CSMD2: variants seen among roughly 807,000 people sequenced by gnomAD.
CSMD2 encodes CUB and Sushi multiple domains 2.
CSMD2 carries 130 observed loss-of-function variants against 398.5 expected under a neutral mutation model. That is an observed-to-expected ratio of 0.33 (90% CI 0.28 to 0.38). The LOEUF (loss-of-function observed/expected upper bound fraction) is 0.38. CSMD2 is among the 10% of genes least tolerant of loss of function. CSMD2 has a pLI of 1.00. For synonymous variants in CSMD2, 1,828 were observed against 1,908.5 expected (o/e 0.96, Z 1.10); for missense variants, 3,829 against 4,764.9 (o/e 0.80, Z 5.78).
At position 33,848,136 on chromosome 1, in the gene CSMD2, A is replaced by G. The variant is rs182095735; in HGVS notation, c.921-1140T>C. The stretch of plus-strand genomic sequence containing the variant: ...TATATCCTATGTGAAACAGTCATTC[A>G]TCAAACTCTTGGAACTATAAAGGTG... On this transcript the variant is annotated intron_variant, in intron 5 of 70. Coordinates refer to ENST00000373381, the MANE Select transcript of CSMD2 (RefSeq NM_001281956.2). Among the ~76,000 whole-genome samples the G allele has an allele frequency of 4.2e-3, 645 of 152,254 alleles. 5 individuals are homozygous for G. Among genetic ancestry groups the G allele is most frequent in the African/African-American group, 0.015 (611 of 41,550 alleles).
intron 5 of CSMD2, among the ~76,000 whole-genome samples, chr1:33,889,017 A>G (rs761355479): frequency 1.3e-5 from 2 of 151,992 alleles, no homozygotes; most frequent in Non-Finnish European, 2.9e-5. Flanking sequence ...TGATCCGCCC[A>G]CCTTAGCCTC....
intron 1 of CSMD2, among the ~76,000 whole-genome samples, chr1:34,110,698 A>G (rs1216055039): frequency 1.3e-5 from 2 of 149,418 alleles, no homozygotes; most frequent in East Asian, 3.9e-4. Flanking sequence ...AAAGAGGCAA[A>G]CACATGGACA....
At chr1:33,833,956 A>C (rs1373907957) in intron 6 of CSMD2, among the ~76,000 whole-genome samples, 165 of 149,994 alleles carry the variant, frequency 1.1e-3, no homozygotes, top group Middle Eastern at 3.4e-3. Context: ...ATGTGAAGGA[A>C]CTCTTCAAGG....
intron 7 of CSMD2, among the ~76,000 whole-genome samples, chr1:33,823,236 C>T (rs565840171): frequency 2.3e-4 from 35 of 152,276 alleles, no homozygotes; most frequent in African/African-American, 5.5e-4. Flanking sequence ...AACGGTGACG[C>T]GGCTTATACC....
intron 29 of CSMD2, among the ~76,000 whole-genome samples, chr1:33,637,032 G>A (rs974765803): frequency 2.0e-5 from 3 of 152,206 alleles, no homozygotes; most frequent in Admixed American, 6.5e-5. Flanking sequence ...GTTCACCTGA[G>A]AAGCAGGGCA....
rs375118056 is a variant in CSMD2 at position 33,646,696 on chromosome 1, G to A, written c.4726C>T (p.Arg1576Cys). Residue 1576 changes from arginine to cysteine, a missense_variant, in exon 29 of 71, where the codon CGC becomes TGC. By Grantham distance (180) the Arg-to-Cys change is radical. Around this residue, in one of 5 missense-constraint regions of CSMD2, gnomAD observed 2,001 missense variants for 2,567.1 expected, o/e 0.78. Coordinates refer to ENST00000373381, the MANE Select transcript of CSMD2 (RefSeq NM_001281956.2). ...GCATTGCTCACAGATGCATCGCTGC[G>A]GAAGGCGAGGAAGAGGCTGTTGCTG... The part of the protein sequence containing the change: ...SSSNSLFLAF[R>C]SDASVSNAGF... 4.3e-6 allele frequency: 7 copies of A among 1,614,048 alleles called. No individual in the cohort carries two copies. Among genetic ancestry groups the A allele is most frequent in the African/African-American group, 4.0e-5 (3 of 74,928 alleles).
chr1:33,669,758 G>A (rs866486754), intron 25 of CSMD2, among the ~76,000 whole-genome samples: 2 of 152,164 alleles, frequency 1.3e-5, no homozygotes, highest in South Asian at 4.1e-4. Context: ...ACTGGATTAG[G>A]GTGGGCCGTA....
Position 33,557,649 on chromosome 1 carries a change from C to T in CSMD2, c.8743+85G>A, listed in dbSNP as rs1224208529. The stretch of plus-strand genomic sequence containing the variant: ...ACACACACACACACACACACACACA[C>T]ACACACACACATGCACAGAGGGGAG... On this transcript the variant is annotated intron_variant, in intron 55 of 70. Coordinates refer to ENST00000373381, the MANE Select transcript of CSMD2 (RefSeq NM_001281956.2). 31 of 1,149,096 alleles carry T rather than the reference C, an allele frequency of 2.7e-5. 1 individual carries two copies. Among genetic ancestry groups the T allele is most frequent in the Non-Finnish European group, 3.3e-5 (27 of 815,300 alleles). 71.2% of individuals were successfully genotyped at this position (1,149,096 alleles called of 1,614,324 possible).
chr1:34,001,516 T>C (rs1226379884), intron 3 of CSMD2, among the ~76,000 whole-genome samples: 5 of 152,144 alleles, frequency 3.3e-5, no homozygotes. Context: ...GCTTAAGAGG[T>C]GTATACTCAT....
chr1:33,736,316 C>T (rs1321256814), intron 15 of CSMD2, among the ~76,000 whole-genome samples: 1 of 152,086 alleles, frequency 6.6e-6, no homozygotes, highest in East Asian at 1.9e-4. Flanking sequence ...CCTGTCTCTA[C>T]TGAAAATACA....
At chr1:34,017,344 G>A (rs1031805375) in intron 3 of CSMD2, among the ~76,000 whole-genome samples, 16 of 152,194 alleles carry the variant, frequency 1.1e-4, no homozygotes, top group African/African-American at 2.4e-5. Context: ...AAACTCTCTT[G>A]TCACTTCCAG....
At chr1:33,888,717 GAGA>G (rs1413317324) in intron 5 of CSMD2, among the ~76,000 whole-genome samples, 2 of 152,020 alleles carry the variant, frequency 1.3e-5, no homozygotes, top group Non-Finnish European at 2.9e-5. Flanking sequence ...ACACAAAACT[GAGA>G]AGTTTTATGT....
At chr1:33,576,868 A>G (rs141083891) in intron 49 of CSMD2, among the ~76,000 whole-genome samples, 1,672 of 151,966 alleles carry the variant, frequency 0.011, 28 homozygotes, top group African/African-American at 0.038. Flanking sequence ...AAAAACTGTC[A>G]TAAATCATAA....
intron 29 of CSMD2, among the ~76,000 whole-genome samples, chr1:33,643,387 G>A (rs1428889517): frequency 6.6e-5 from 10 of 152,164 alleles, no homozygotes; most frequent in Admixed American, 2.0e-4. Flanking sequence ...AACATGTACC[G>A]TGTTCCCCTG....
Position 33,750,477 on chromosome 1 carries a change from T to C in CSMD2, c.1847-6871A>G, listed in dbSNP as rs530234952. Reference sequence around the variant, plus strand: ...ATGGTCATACAGTCACTGTAGATGATAGAGCTGGGAAGATGAACCAGTCAG... The same window carrying C: ...ATGGTCATACAGTCACTGTAGATGACAGAGCTGGGAAGATGAACCAGTCAG... On this transcript the variant is annotated intron_variant, in intron 13 of 70. Transcript: ENST00000373381. 2.6e-5 allele frequency among the ~76,000 whole-genome samples: 4 copies of C among 152,240 alleles called. No individual in the cohort carries two copies. The South Asian group carries it at 8.3e-4, about 32-fold the overall frequency.
intron 7 of CSMD2, among the ~76,000 whole-genome samples, chr1:33,822,753 C>T (rs1658305337): frequency 6.6e-6 from 1 of 152,128 alleles, no homozygotes; most frequent in Non-Finnish European, 1.5e-5. Flanking sequence ...CTCTAAGGCA[C>T]CCAGAAGGTG....
chr1:34,126,645 G>C (rs1300460031), intron 1 of CSMD2, among the ~76,000 whole-genome samples: 1 of 152,210 alleles, frequency 6.6e-6, no homozygotes, highest in Non-Finnish European at 1.5e-5. Flanking sequence ...CCAGACGAGG[G>C]AGATGGGGAG....
At chr1:33,798,140 T>C (rs1403261667) in intron 10 of CSMD2, among the ~76,000 whole-genome samples, 3 of 152,218 alleles carry the variant, frequency 2.0e-5, no homozygotes, top group Non-Finnish European at 4.4e-5. Context: ...CAGGCTCCTA[T>C]AATGACTCAT....
chr1:34,132,474 G>A (rs935871327), intron 1 of CSMD2, among the ~76,000 whole-genome samples: 7 of 152,090 alleles, frequency 4.6e-5, no homozygotes, highest in Non-Finnish European at 8.8e-5. Flanking sequence ...CCTCCCCTCT[G>A]TTCCTGTGAT....
Sources: gnomAD v4.1 joint callset for allele counts (sites outside exome capture counted in the v4.1 genomes callset) on GRCh38, gnomAD v4.1.1 for gene constraint, gnomAD v4.1.1 regional missense constraint, MANE v1.5 for transcripts, NCBI Gene and HGNC (gene_info 2026-07-23, HGNC 2026-07-21) for gene names.